Variants in GEMIN5 observed in about 807,000 individuals in gnomAD.
GEMIN5 encodes gem nuclear organelle associated protein 5.
Under a neutral mutation model 176.9 loss-of-function variants are expected in GEMIN5, and 124 were observed. The ratio of observed to expected loss-of-function variants is 0.70; its 90% CI spans 0.61 to 0.81. The LOEUF (loss-of-function observed/expected upper bound fraction) is 0.81. Among genes scored for constraint, GEMIN5 ranks in the 40% least tolerant of loss-of-function variants. GEMIN5 has a pLI of 0.00. For missense variants in GEMIN5, 1,843 were observed against 1,814.6 expected, an observed-to-expected ratio of 1.02 and a Z score of -0.28; for synonymous variants, 673 against 665.2, an observed-to-expected ratio of 1.01 and a Z score of -0.18.
At chr5:154,935,414 G>GA (rs1193433523) in intron 3 of GEMIN5, among the ~76,000 whole-genome samples, 1 of 152,194 alleles carries the variant, frequency 6.6e-6, no homozygotes, top group Non-Finnish European at 1.5e-5. Context: ...CAGCTCATGT[G>GA]AAACAACCTT....
In GEMIN5 at chr5:154,936,018, G is replaced by A. The variant is rs757522578; in HGVS notation, c.332C>T (p.Thr111Met). ...AGGAGACCAATGTAATGTTGATATC[G>A]TATGCTTTAAAACAAAACAAAAATT... ...VVTEHALHQH[T>M]ISTLHWSPRV... The change falls in exon 3 of 28, where the codon ACG becomes ATG. Residue 111 changes from threonine to methionine, a missense_variant. By Grantham distance (81) the Thr-to-Met change is moderately conservative. Transcript: ENST00000285873. 1.3e-6 allele frequency: 2 copies of A among 1,580,188 alleles called. No homozygotes were observed. Among genetic ancestry groups the A allele is most frequent in the Non-Finnish European group, 1.7e-6 (2 of 1,166,560 alleles).
At chr5:154,912,877 A>G (rs1331840714) in intron 14 of GEMIN5, 22 bp downstream of exon 14, 2 of 1,601,928 alleles carry the variant, frequency 1.2e-6, no homozygotes, top group Admixed American at 1.7e-5. Context: ...AAGGACCCAC[A>G]GGGACAAGGA....
intron 9 of GEMIN5, among the ~76,000 whole-genome samples, chr5:154,923,624 A>G (rs774642514): frequency 2.6e-5 from 4 of 152,226 alleles, no homozygotes; most frequent in African/African-American, 4.8e-5. Context: ...AATTTTATTT[A>G]ATCTTCATAT....
Position 154,935,868 on chromosome 5 carries a change from G to C in GEMIN5, c.482C>G (p.Pro161Arg). The change falls in exon 3 of 28, where the codon CCT (proline) becomes CGT (arginine). Residue 161 changes from proline to arginine, a missense_variant. Pro to Arg is a moderately radical substitution (Grantham distance 103). Coordinates refer to ENST00000285873, the MANE Select transcript of GEMIN5 (RefSeq NM_015465.5). ...PRTIFCLTCSPHHEDLVAIGY... is the reference protein window; with the variant it reads ...PRTIFCLTCSRHHEDLVAIGY... The stretch of plus-strand genomic sequence containing the variant: ...AATGGCTACTAAATCTTCATGATGA[G>C]GTGAACAAGTAAGACAGAAAATTGT... The C allele has an allele frequency of 6.2e-7, 1 of 1,613,310 alleles. No individual in the cohort carries two copies. Among genetic ancestry groups the C allele is most frequent in the Non-Finnish European group, 8.5e-7 (1 of 1,179,388 alleles).
chr5:154,927,042 C>T (rs892527179), intron 7 of GEMIN5, among the ~76,000 whole-genome samples: 1 of 91,932 alleles, frequency 1.1e-5, no homozygotes, highest in African/African-American at 4.0e-5. Flanking sequence ...CAGAGCAAGA[C>T]TCTGTCTCAG....
intron 15 of GEMIN5, among the ~76,000 whole-genome samples, chr5:154,909,875 A>G (rs1434311517): frequency 2.0e-5 from 3 of 152,024 alleles, no homozygotes; most frequent in Non-Finnish European, 4.4e-5. Context: ...GCTACTCAAA[A>G]GGCTGAGGCA....
Position 154,902,624 on chromosome 5 carries a change from A to G in GEMIN5, c.2781T>C (p.Leu927=), listed in dbSNP as rs376508690. The change falls in exon 20 of 28, where the codon CTT becomes CTC. Residue 927 remains leucine, a synonymous_variant. Transcript: ENST00000285873. ...GHPELFHQLM[L]WKGDLKGVLQ... ...GAACACCTTTGAGATCTCCTTTCCA[A>G]AGCATAAGCTGGTGAAATAACTCAG... 49 of 1,613,902 alleles carry G rather than the reference A, an allele frequency of 3.0e-5. No homozygotes were observed. The highest frequency in any genetic ancestry group is 4.1e-5 in the Non-Finnish European group (48 of 1,179,890).
chr5:154,911,881 C>G lies in GEMIN5; in HGVS notation c.2013G>C (p.Arg671=). ...DGTAQVWDAL[R]EEPLCNFRGH... is the part of the protein sequence containing the mutation. The stretch of plus-strand genomic sequence containing the variant: ...CTCGGAAATTGCACAGGGGCTCTTC[C>G]CGGAGAGCATCCCACACCTAAACCC... Residue 671 remains arginine (R), a synonymous_variant, in exon 15 of 28, where the codon CGG becomes CGC. Transcript: ENST00000285873. 6.2e-7 allele frequency: 1 copy of G among 1,614,034 alleles called. No individual in the cohort carries two copies. Among genetic ancestry groups the G allele is most frequent in the Non-Finnish European group, 8.5e-7 (1 of 1,179,986 alleles).
chr5:154,919,262 C>T (rs771680979), intron 11 of GEMIN5, among the ~76,000 whole-genome samples: 10 of 151,726 alleles, frequency 6.6e-5, no homozygotes, highest in Non-Finnish European at 7.4e-5. Flanking sequence ...ACCTAGGAGG[C>T]CGGAGGTTGC....
At position 154,891,569 on chromosome 5, in the gene GEMIN5, C is replaced by T. The variant is rs766429895; in HGVS notation, c.3934G>A (p.Val1312Ile). Residue 1312 changes from valine (V) to isoleucine (I), a missense_variant, in exon 26 of 28, where the codon GTT becomes ATT. Physicochemically the swap from Val to Ile is conservative, Grantham distance 29 (BLOSUM62 3). Coordinates refer to ENST00000285873, the MANE Select transcript of GEMIN5 (RefSeq NM_015465.5). The part of the protein sequence containing the change: ...WVRAGHRTLS[V>I]EPSQQLDTAS... ...GTGTCTAACTGCTGGCTTGGCTCAA[C>T]AGAGAGTGTTCTGTGACCAGCCCTT... 3 of 1,614,138 alleles carry T rather than the reference C, an allele frequency of 1.9e-6. No homozygotes were observed. Among genetic ancestry groups the T allele is most frequent in the East Asian group, 2.2e-5 (1 of 44,880 alleles).
At chr5:154,906,510 A>G (rs1763571824) in intron 16 of GEMIN5, among the ~76,000 whole-genome samples, 1 of 152,250 alleles carries the variant, frequency 6.6e-6, no homozygotes, top group South Asian at 2.1e-4. Context: ...TGAGCACAGG[A>G]ACTTTTTAAA....
chr5:154,935,950 C>G lies in GEMIN5; in HGVS notation c.400G>C (p.Val134Leu). Residue 134 changes from valine to leucine, a missense_variant, in exon 3 of 28, where the codon GTT becomes CTT. Transcript: ENST00000285873. ...TTTCTGTTAAACCAGTAACAGAAAA[C>G]TACTCCTTTTTCATCCCCAGATACT... ...LIVSGDEKGV[V>L]FCYWFNRNDS... 1 of 1,610,740 alleles carries G rather than the reference C, an allele frequency of 6.2e-7. No individual in the cohort carries two copies. Among genetic ancestry groups the G allele is most frequent in the Non-Finnish European group, 8.5e-7 (1 of 1,177,042 alleles).
At chr5:154,901,909 TC>T (rs1321286877) in intron 20 of GEMIN5, among the ~76,000 whole-genome samples, 10 of 152,084 alleles carry the variant, frequency 6.6e-5, no homozygotes, top group Non-Finnish European at 1.2e-4. Context: ...CAGGTGATCC[TC>T]CCACCACAGC....
chr5:154,897,225 C>T (rs1479499821), intron 23 of GEMIN5, among the ~76,000 whole-genome samples: 1 of 152,162 alleles, frequency 6.6e-6, no homozygotes, highest in Non-Finnish European at 1.5e-5. Context: ...CCCCATGTAC[C>T]ACGTTCCTTG....
Position 154,937,059 on chromosome 5 carries a change from G to A in GEMIN5, c.293C>T (p.Thr98Ile), listed in dbSNP as rs374158150. 8 of 1,613,804 alleles carry A rather than the reference G, an allele frequency of 5.0e-6. No homozygotes were observed. The East Asian group carries it at 1.8e-4, about 36-fold the overall frequency. ...DGTVKIWDVE[T>I]KTVVTEHALH... is the part of the protein sequence containing the mutation. ...TGCATGTTCTGTCACAACTGTTTTTGTCTCTACATCCCATATTTTCACAGT... is the reference window on the plus strand; with the variant it reads ...TGCATGTTCTGTCACAACTGTTTTTATCTCTACATCCCATATTTTCACAGT... Residue 98 changes from threonine to isoleucine, a missense_variant, in exon 2 of 28, where the codon ACA (threonine) becomes ATA (isoleucine). By Grantham distance (89) the Thr-to-Ile change is moderately conservative. Coordinates refer to ENST00000285873, the MANE Select transcript of GEMIN5 (RefSeq NM_015465.5).
chr5:154,913,204 GTGCAATGGCGCAA>G (rs1158314835), intron 13 of GEMIN5, among the ~76,000 whole-genome samples, 166 bp from the exon 14 acceptor site: 1 of 152,026 alleles, frequency 6.6e-6, no homozygotes, highest in Non-Finnish European at 1.5e-5. Context: ...TCAGGCTGGA[GTGCAATGGCGCAA>G]TGCAATGGCG....
chr5:154,931,317 A>G, intron 5 of GEMIN5, 141 bp downstream of exon 5: 2 of 744,454 alleles, frequency 2.7e-6, no homozygotes, highest in South Asian at 4.9e-5. Context: ...GCCAGGCTCA[A>G]ATGAGGAAGC....
rs776310731 is a variant in GEMIN5, at chr5:154,901,339, C to A, written c.3014G>T (p.Arg1005Met). Residue 1005 changes from arginine to methionine, a missense_variant and splice_region_variant, in exon 21 of 28, where the codon AGG becomes ATG. Transcript: ENST00000285873. The stretch of plus-strand genomic sequence containing the variant: ...ATCCCAACTCTAGGACCACACAGAC[C>A]TGTAAAAATGGTTTGACTTGAGCAG... Reference protein sequence around the residue: ...VELLKSNHFYREAIAIAKARL... With the variant: ...VELLKSNHFYMEAIAIAKARL... The A allele has an allele frequency of 6.2e-7, 1 of 1,613,786 alleles. No homozygotes were observed. The highest frequency in any genetic ancestry group is 8.5e-7 in the Non-Finnish European group (1 of 1,179,714).
chr5:154,901,581 A>G, intron 20 of GEMIN5, 95 bp from the exon 21 acceptor site: 1 of 1,060,818 alleles, frequency 9.4e-7, no homozygotes. Flanking sequence ...TGTTTTCGTC[A>G]ATGCATTCAG....
Sources: allele counts gnomAD v4.1 joint callset (sites outside exome capture counted in the v4.1 genomes callset), GRCh38; gene constraint gnomAD v4.1.1; transcripts MANE v1.5; gene names NCBI Gene and HGNC (gene_info 2026-07-23, HGNC 2026-07-21).